The following KCTD3 variants were observed in gnomAD, a reference collection of about 807,000 sequenced individuals.
KCTD3 encodes potassium channel tetramerization domain containing 3.
A neutral mutation model predicts 85.8 loss-of-function variants in KCTD3; 41 were observed. That is an observed-to-expected ratio of 0.48 (90% confidence interval 0.37 to 0.62). The LOEUF (loss-of-function observed/expected upper bound fraction) is 0.62. Among genes scored for constraint, KCTD3 ranks in the 20% least tolerant of loss-of-function variants. KCTD3 has a pLI of 0.00. For missense variants in KCTD3, 724 were observed against 989.9 expected (o/e 0.73, Z 3.60); for synonymous variants, 338 against 345.4 (o/e 0.98, Z 0.24).
intron 9 of KCTD3, 27 bp from the exon 10 acceptor site, chr1:215,595,328 AC>A: frequency 7.3e-7 from 1 of 1,361,464 alleles, no homozygotes; most frequent in Middle Eastern, 1.8e-4. Context: ...TGACTGATTA[AC>A]CTTTTTATTT....
intron 1 of KCTD3, among the ~76,000 whole-genome samples, chr1:215,568,530 T>TG (rs1317221610): frequency 8.0e-6 from 1 of 125,622 alleles, no homozygotes; most frequent in Non-Finnish European, 1.6e-5. Context: ...TTAAGTTTGT[T>TG]GGGGGAAAAA....
At chr1:215,598,365 AAGC>A (rs1336547428) in intron 10 of KCTD3, among the ~76,000 whole-genome samples, 6 of 152,184 alleles carry the variant, frequency 3.9e-5, no homozygotes, top group African/African-American at 1.4e-4. Flanking sequence ...GAGTGAATTG[AAGC>A]ACAAAGACTT....
chr1:215,621,601 A>T lies in KCTD3; in HGVS notation c.*983A>T, dbSNP rs1268113374. On this transcript the variant is annotated 3_prime_UTR_variant, in exon 18 of 18. Transcript: ENST00000259154. Reference sequence around the variant, plus strand: ...GTACAATTTTTTTTCATTTAATTGGAATGATCTTCAGGTTTCTACAAATAG... The same window carrying T: ...GTACAATTTTTTTTCATTTAATTGGTATGATCTTCAGGTTTCTACAAATAG... 1 of 152,550 alleles carries T rather than the reference A, an allele frequency of 6.6e-6. No homozygotes were observed. The highest frequency in any genetic ancestry group is 1.5e-5 in the Non-Finnish European group (1 of 67,974). 9.4% of individuals were successfully genotyped at this position (152,550 alleles called of 1,614,324 possible).
intron 9 of KCTD3, among the ~76,000 whole-genome samples, chr1:215,591,266 TTC>T (rs10591999): frequency 0.023 from 3,491 of 149,994 alleles, 147 homozygotes; most frequent in African/African-American, 0.08. Context: ...TTTCTTTTCT[TTC>T]TCTCTCTCTC....
chr1:215,613,530 T>C (rs897201019), intron 15 of KCTD3, among the ~76,000 whole-genome samples: 11 of 152,228 alleles, frequency 7.2e-5, no homozygotes, highest in African/African-American at 2.4e-4. Flanking sequence ...AATTTTTGTT[T>C]TTGTTGCAGT....
At chr1:215,600,888 T>G (rs879806412) in intron 10 of KCTD3, among the ~76,000 whole-genome samples, 1 of 152,134 alleles carries the variant, frequency 6.6e-6, no homozygotes, top group East Asian at 1.9e-4. Flanking sequence ...TTTTGATGAA[T>G]AGTAGAATAT....
intron 10 of KCTD3, among the ~76,000 whole-genome samples, chr1:215,597,928 A>G (rs973205883): frequency 5.3e-5 from 8 of 152,032 alleles, no homozygotes; most frequent in African/African-American, 1.9e-4. Flanking sequence ...TGCTGTCTTA[A>G]CTGTGGTCTG....
At chr1:215,597,263 G>A (rs1317388083) in intron 10 of KCTD3, among the ~76,000 whole-genome samples, 2 of 150,868 alleles carry the variant, frequency 1.3e-5, no homozygotes, top group Admixed American at 6.6e-5. Flanking sequence ...TCAGTTTCTT[G>A]TTTCCTTTTT....
chr1:215,604,508 G>A (rs971483202), intron 13 of KCTD3, among the ~76,000 whole-genome samples: 1 of 152,076 alleles, frequency 6.6e-6, no homozygotes, highest in East Asian at 1.9e-4. Flanking sequence ...CAGTTTAGGA[G>A]GCCAAGGCAG....
At chr1:215,587,338 C>T (rs1214324883) in intron 9 of KCTD3, among the ~76,000 whole-genome samples, 2 of 151,976 alleles carry the variant, frequency 1.3e-5, no homozygotes, top group Admixed American at 1.3e-4. Context: ...ACCATGTTAG[C>T]CAGGATGGTC....
intron 8 of KCTD3, among the ~76,000 whole-genome samples, chr1:215,580,582 A>G (rs1453252940): frequency 7.0e-6 from 1 of 141,898 alleles, no homozygotes; most frequent in African/African-American, 2.6e-5. Context: ...TTTTTTTTTT[A>G]ATTGGGAAAG....
chr1:215,618,205 A>T (rs982150474), intron 15 of KCTD3: 8 of 440,192 alleles, frequency 1.8e-5, no homozygotes, highest in Admixed American at 1.7e-4. Flanking sequence ...GTACAGGAAA[A>T]ATACTTTGGT....
intron 10 of KCTD3, among the ~76,000 whole-genome samples, chr1:215,597,730 AT>A (rs1207888322): frequency 1.3e-5 from 2 of 152,060 alleles, no homozygotes; most frequent in Non-Finnish European, 2.9e-5. Context: ...GACTTGTTTG[AT>A]TTAGCTTCTC....
At chr1:215,603,677 G>T (rs1305853880) in intron 12 of KCTD3, among the ~76,000 whole-genome samples, 2 of 152,098 alleles carry the variant, frequency 1.3e-5, no homozygotes, top group African/African-American at 4.8e-5. Flanking sequence ...TATTGCTTTT[G>T]GAATACTATG....
intron 10 of KCTD3, among the ~76,000 whole-genome samples, chr1:215,599,006 A>G (rs1654719172): frequency 6.6e-6 from 1 of 152,240 alleles, no homozygotes; most frequent in African/African-American, 2.4e-5. Context: ...ATAAATTATG[A>G]TAAAAAGTAT....
At chr1:215,583,578 C>T (rs549302583) in intron 8 of KCTD3, among the ~76,000 whole-genome samples, 3 of 152,230 alleles carry the variant, frequency 2.0e-5, no homozygotes, top group East Asian at 3.9e-4. Context: ...CTAAGAATGC[C>T]TAACCTCCTG....
At chr1:215,570,603 G>A (rs182716665) in intron 1 of KCTD3, among the ~76,000 whole-genome samples, 22 of 152,248 alleles carry the variant, frequency 1.4e-4, no homozygotes, top group African/African-American at 4.3e-4. Flanking sequence ...CTATTAAAAT[G>A]TAAAGTGACA....
At chr1:215,577,824 G>GGT in intron 5 of KCTD3, 96 bp downstream of exon 5, 1 of 1,283,626 alleles carries the variant, frequency 7.8e-7, no homozygotes, top group South Asian at 1.2e-5. Context: ...AATTTTTGAT[G>GGT]GACTTGTTCA....
intron 12 of KCTD3, among the ~76,000 whole-genome samples, chr1:215,602,930 T>C (rs1393285124): frequency 6.6e-6 from 1 of 152,200 alleles, no homozygotes; most frequent in African/African-American, 2.4e-5. Flanking sequence ...GAAACCATAG[T>C]AGGACTTAAA....
Sources: allele counts gnomAD v4.1 joint callset (sites outside exome capture counted in the v4.1 genomes callset), GRCh38; gene constraint gnomAD v4.1.1; transcripts MANE v1.5; gene names NCBI Gene and HGNC (gene_info 2026-07-23, HGNC 2026-07-21).